The following CLNK variants were observed in gnomAD, a reference collection of about 807,000 sequenced individuals.
CLNK encodes the protein cytokine-dependent hematopoietic cell linker.
A neutral mutation model predicts 68.6 loss-of-function variants in CLNK; 74 were observed. The ratio of observed to expected loss-of-function variants is 1.08; its 90% CI spans 0.89 to 1.31. CLNK has a LOEUF of 1.31. CLNK is among the 50% of genes most tolerant of loss of function. CLNK has a pLI of 0.00. For synonymous variants in CLNK, 198 were observed against 172.2 expected (o/e 1.15, Z -1.17); for missense variants, 553 against 515.3 (o/e 1.07, Z -0.71).
At chr4:10,532,562 A>C (rs535918066) in intron 11 of CLNK, among the ~76,000 whole-genome samples, 1 of 152,336 alleles carries the variant, frequency 6.6e-6, no homozygotes. Context: ...AAAAATCATC[A>C]TTTCTCCTGA....
chr4:10,676,063 G>A (rs1724861150), intron 1 of CLNK, among the ~76,000 whole-genome samples: 1 of 140,556 alleles, frequency 7.1e-6, no homozygotes, highest in Admixed American at 7.0e-5. Context: ...GTGTGTGTGT[G>A]TGTGTGTGTG....
At chr4:10,522,688 G>C (rs1220732914) in intron 14 of CLNK, among the ~76,000 whole-genome samples, 1 of 151,942 alleles carries the variant, frequency 6.6e-6, no homozygotes, top group African/African-American at 2.4e-5. Flanking sequence ...CAATAAAGAA[G>C]ACATGGCCTC....
chr4:10,562,347 A>G (rs1719930819), intron 7 of CLNK, among the ~76,000 whole-genome samples: 1 of 151,998 alleles, frequency 6.6e-6, no homozygotes, highest in South Asian at 2.1e-4. Context: ...CAGAGCTTAT[A>G]AAATTGCAGC....
At chr4:10,597,469 G>T (rs567882633) in intron 3 of CLNK, among the ~76,000 whole-genome samples, 10 of 152,322 alleles carry the variant, frequency 6.6e-5, no homozygotes, top group Admixed American at 6.5e-4. Flanking sequence ...TTGAGGGAGA[G>T]ACTTTGTCTT....
intron 1 of CLNK, among the ~76,000 whole-genome samples, chr4:10,668,597 T>G (rs2108894141): frequency 6.6e-6 from 1 of 152,170 alleles, no homozygotes; most frequent in South Asian, 2.1e-4. Flanking sequence ...TTAAAAGGTG[T>G]GGGCAGGGTA....
In CLNK at chr4:10,682,329, G is replaced by A. The variant is rs113233019; in HGVS notation, c.-43+2339C>T. Among the ~76,000 whole-genome samples, 176 of 152,204 alleles carry A rather than the reference G, an allele frequency of 1.2e-3. 2 individuals are homozygous for A. Among genetic ancestry groups the A allele is most frequent in the African/African-American group, 4.0e-3 (167 of 41,496 alleles). The stretch of plus-strand genomic sequence containing the variant: ...TTATGTTTCTTTGTCATGCTAGGAG[G>A]GTAGGTACAGCCTAGAAGAACTCTG... On this transcript the variant is annotated intron_variant, in intron 1 of 18. Transcript: ENST00000226951.
At position 10,637,438 on chromosome 4, in the gene CLNK, G is replaced by GTTTTTTTT. The variant is rs11396379; in HGVS notation, c.11+30413_11+30420dup. On this transcript the variant is annotated intron_variant, in intron 2 of 18. Transcript: ENST00000226951. ...TATGTGATAAGCAACAATAAAAAAAGTTTTTTTTTTTTTTTTGGCAGGGTT... is the reference window on the plus strand; with the variant it reads ...TATGTGATAAGCAACAATAAAAAAAGTTTTTTTTTTTTTTTTTTTTTTTTGGCAGGGTT... Among the ~76,000 whole-genome samples the GTTTTTTTT allele has an allele frequency of 2.1e-3, 257 of 124,106 alleles. 3 individuals are homozygous for GTTTTTTTT. The highest frequency in any genetic ancestry group is 3.4e-3 in the Non-Finnish European group (208 of 60,886). The allele number at this position is 124,106 out of a possible 152,430, so 81.4% of individuals were successfully genotyped here. A position where few individuals can be genotyped will look rare whatever the true frequency, so the allele number is the denominator to read the frequency against.
At chr4:10,709,957 T>C in the CLNK span, among the ~76,000 whole-genome samples, 8 of 152,146 alleles carry the variant, frequency 5.3e-5, no homozygotes, top group East Asian at 9.6e-4. Flanking sequence ...GACCTGACCA[T>C]AAGAACTCCC....
At chr4:10,611,439 AG>A (rs1433931961) in intron 2 of CLNK, among the ~76,000 whole-genome samples, 1 of 148,828 alleles carries the variant, frequency 6.7e-6, no homozygotes, top group Non-Finnish European at 1.5e-5. Flanking sequence ...TGGAGGTTGC[AG>A]TGGGCTGAAA....
At chr4:10,523,984 C>A in intron 14 of CLNK, 1 of 343,854 alleles carries the variant, frequency 2.9e-6, no homozygotes, top group Non-Finnish European at 5.9e-6. Flanking sequence ...GTGATTGTGC[C>A]ACTACAAGAC....
chr4:10,604,293 C>T (rs1288055095), intron 2 of CLNK, among the ~76,000 whole-genome samples: 1 of 152,174 alleles, frequency 6.6e-6, no homozygotes, highest in Non-Finnish European at 1.5e-5. Flanking sequence ...TACTCAATTA[C>T]AAAGAGGCAA....
chr4:10,555,455 A>T (rs1719629060), intron 8 of CLNK, among the ~76,000 whole-genome samples: 1 of 152,208 alleles, frequency 6.6e-6, no homozygotes, highest in Admixed American at 6.5e-5. Context: ...TCTATGGTTA[A>T]TGCTAGTGGT....
intron 4 of CLNK, among the ~76,000 whole-genome samples, chr4:10,574,355 A>G (rs1490056975): frequency 6.6e-6 from 1 of 151,916 alleles, no homozygotes; most frequent in Admixed American, 6.6e-5. Context: ...TTCCATATTC[A>G]TTTCTGCATT....
intron 12 of CLNK, among the ~76,000 whole-genome samples, chr4:10,529,202 T>C (rs1261981015): frequency 2.0e-5 from 3 of 152,348 alleles, no homozygotes; most frequent in Middle Eastern, 3.4e-3. Context: ...ATGAACCTTC[T>C]GCAATGAAAA....
At chr4:10,492,935 T>C (rs1716643108) in intron 18 of CLNK, among the ~76,000 whole-genome samples, 1 of 152,210 alleles carries the variant, frequency 6.6e-6, no homozygotes, top group African/African-American at 2.4e-5. Context: ...AATCTGTAAG[T>C]CCCTTGTCCT....
At chr4:10,670,503 C>T (rs945621296) in intron 1 of CLNK, among the ~76,000 whole-genome samples, 6 of 152,194 alleles carry the variant, frequency 3.9e-5, no homozygotes, top group African/African-American at 1.4e-4. Flanking sequence ...ACCACAGATG[C>T]AGAACAGTTC....
intron 1 of CLNK, among the ~76,000 whole-genome samples, chr4:10,669,964 T>C (rs1450205641): frequency 2.0e-5 from 3 of 152,334 alleles, no homozygotes; most frequent in Non-Finnish European, 2.9e-5. Context: ...CATCAAATAC[T>C]GGAAGGGTCC....
the CLNK span, among the ~76,000 whole-genome samples, chr4:10,701,993 T>C: frequency 6.6e-6 from 1 of 152,178 alleles, no homozygotes; most frequent in African/African-American, 2.4e-5. Context: ...GGTGCAGATT[T>C]TCCGCTTGGC....
chr4:10,701,513 G>A, the CLNK span, among the ~76,000 whole-genome samples: 1 of 152,190 alleles, frequency 6.6e-6, no homozygotes, highest in African/African-American at 2.4e-5. Flanking sequence ...GGAGCCTGTT[G>A]TGCTGTGAGA....
Sources: allele counts gnomAD v4.1 joint callset (sites outside exome capture counted in the v4.1 genomes callset), GRCh38; gene constraint gnomAD v4.1.1; transcripts MANE v1.5; gene names NCBI Gene and HGNC (gene_info 2026-07-23, HGNC 2026-07-21).